IL1RAPL2: variants seen among roughly 807,000 people sequenced by gnomAD.
The protein encoded by IL1RAPL2 is X-linked interleukin-1 receptor accessory protein-like 2.
In IL1RAPL2, 3 loss-of-function variants were observed where a neutral mutation model predicts 44.1. The observed-to-expected ratio is 0.07, with a 90% confidence interval of 0.03 to 0.18. IL1RAPL2 has a LOEUF of 0.18. IL1RAPL2 is among the 10% of genes least tolerant of loss of function. The pLI, the probability that IL1RAPL2 is intolerant of heterozygous loss-of-function variation, is 1.00. For missense variants in IL1RAPL2, 391 were observed against 496.4 expected (o/e 0.79, Z 2.02); for synonymous variants, 181 against 178.8 (o/e 1.01, Z -0.10).
intron 3 of IL1RAPL2, among the ~76,000 whole-genome samples, chrX:105,227,698 A>G (rs1293087907): frequency 1.8e-5 from 2 of 112,201 alleles, no homozygotes; most frequent in African/African-American, 6.5e-5. Context: ...GGCTTTGGCC[A>G]TCTTGGTCTT....
At position 105,119,733 on chromosome X, in the gene IL1RAPL2, T is replaced by C. The variant is rs2032902010; in HGVS notation, c.83-75742T>C. ...TAGGCAGTGTTTGGGGGAAAAAGTGTTAACAAAAAATGTACAGCTGTAAGC... is the reference window on the plus strand; with the variant it reads ...TAGGCAGTGTTTGGGGGAAAAAGTGCTAACAAAAAATGTACAGCTGTAAGC... On this transcript the variant is annotated intron_variant, in intron 2 of 10. Transcript: ENST00000372582. 2.7e-5 allele frequency among the ~76,000 whole-genome samples: 3 copies of C among 111,468 alleles called. No homozygotes were observed. The Admixed American group carries it at 2.9e-4, about 11-fold the overall frequency.
chrX:104,738,508 T>C (rs1405003397), intron 2 of IL1RAPL2, among the ~76,000 whole-genome samples: 1 of 112,422 alleles, frequency 8.9e-6, no homozygotes, highest in Non-Finnish European at 1.9e-5. Flanking sequence ...GCTGCTGTTA[T>C]TGACCTCAGA....
chrX:104,901,241 C>T (rs1332178377), intron 2 of IL1RAPL2, among the ~76,000 whole-genome samples: 49 of 77,346 alleles, frequency 6.3e-4, no homozygotes, highest in Non-Finnish European at 9.7e-4. Flanking sequence ...GACGGACTCT[C>T]GCTCTGTTGC....
chrX:104,902,452 A>T (rs188414084), intron 2 of IL1RAPL2, among the ~76,000 whole-genome samples: 1 of 112,267 alleles, frequency 8.9e-6, no homozygotes, highest in Non-Finnish European at 1.9e-5. Context: ...TAAGAAAAAA[A>T]ATTTCTCTAG....
chrX:105,032,787 C>T (rs1046120519), intron 2 of IL1RAPL2, among the ~76,000 whole-genome samples: 1 of 110,988 alleles, frequency 9.0e-6, no homozygotes, highest in Non-Finnish European at 1.9e-5. Context: ...TCCTTGTTAA[C>T]TTTCTGTCTC....
intron 6 of IL1RAPL2, among the ~76,000 whole-genome samples, chrX:105,518,155 AG>A (rs2036529111): frequency 9.2e-6 from 1 of 108,927 alleles, no homozygotes; most frequent in African/African-American, 3.3e-5. Context: ...TTTTGAGGGT[AG>A]AAGAAAATAT....
intron 2 of IL1RAPL2, among the ~76,000 whole-genome samples, chrX:104,908,774 T>G (rs1924125533): frequency 9.2e-6 from 1 of 108,825 alleles, no homozygotes; most frequent in African/African-American, 3.3e-5. Flanking sequence ...ATCTGACAAT[T>G]TTGTGTCTTG....
Position 104,723,634 on chromosome X carries a change from AT to A in IL1RAPL2, c.82+64640del, listed in dbSNP as rs759754556. 2.7e-5 allele frequency among the ~76,000 whole-genome samples: 3 copies of A among 111,007 alleles called. No homozygotes were observed. In the East Asian group the frequency reaches 8.6e-4, roughly 32 times the overall value. On this transcript the variant is annotated intron_variant, in intron 2 of 10. Transcript: ENST00000372582. ...TAAAAGGGTGAACAACAACAAAAAA[AT>A]CCTACCCACAGAGAAATGACAAGGA...
intron 7 of IL1RAPL2, among the ~76,000 whole-genome samples, chrX:105,729,020 T>G (rs765797345): frequency 9.0e-6 from 1 of 111,363 alleles, no homozygotes; most frequent in Non-Finnish European, 1.9e-5. Context: ...ACTTAGTATA[T>G]GCATTTAAGG....
chrX:104,985,651 T>C (rs931312247), intron 2 of IL1RAPL2, among the ~76,000 whole-genome samples: 1 of 111,652 alleles, frequency 9.0e-6, no homozygotes, highest in Non-Finnish European at 1.9e-5. Context: ...GCTACCCACA[T>C]GGATTTCCCA....
chrX:105,212,338 G>A (rs1301294698), intron 3 of IL1RAPL2, among the ~76,000 whole-genome samples: 4 of 112,066 alleles, frequency 3.6e-5, no homozygotes, highest in African/African-American at 1.3e-4. Context: ...CAGTGCTAAG[G>A]AGGCTGGGAG....
intron 2 of IL1RAPL2, among the ~76,000 whole-genome samples, chrX:104,879,108 C>G (rs1397841880): frequency 9.1e-6 from 1 of 109,903 alleles, no homozygotes; most frequent in Non-Finnish European, 1.9e-5. Flanking sequence ...GTAAATCAGG[C>G]TCTGGTTTGA....
At chrX:105,001,681 G>A (rs2030852956) in intron 2 of IL1RAPL2, among the ~76,000 whole-genome samples, 1 of 111,434 alleles carries the variant, frequency 9.0e-6, no homozygotes, top group Non-Finnish European at 1.9e-5. Flanking sequence ...AAAGGCATTA[G>A]GAGAGTGTTG....
At chrX:105,047,154 T>C (rs2031850511) in intron 2 of IL1RAPL2, among the ~76,000 whole-genome samples, 1 of 111,286 alleles carries the variant, frequency 9.0e-6, no homozygotes, top group Non-Finnish European at 1.9e-5. Context: ...ACCCCTTACA[T>C]AGAGAGTTCT....
chrX:105,591,702 TA>T (rs1340309332), intron 6 of IL1RAPL2, among the ~76,000 whole-genome samples: 2 of 112,146 alleles, frequency 1.8e-5, no homozygotes, highest in African/African-American at 6.5e-5. Flanking sequence ...GAAGGTTGTT[TA>T]ATTTTCATGT....
At chrX:105,685,808 T>G (rs1233789340) in intron 6 of IL1RAPL2, among the ~76,000 whole-genome samples, 3 of 111,310 alleles carry the variant, frequency 2.7e-5, no homozygotes, top group Non-Finnish European at 5.7e-5. Context: ...GAGAGGAAGG[T>G]CGAGTTAGCC....
intron 4 of IL1RAPL2, among the ~76,000 whole-genome samples, chrX:105,243,453 T>C (rs943296989): frequency 1.8e-5 from 2 of 108,620 alleles, no homozygotes; most frequent in Non-Finnish European, 3.8e-5. Flanking sequence ...CTCAGGTATT[T>C]ATGGCAGTGT....
chrX:105,423,667 A>C (rs927266084), intron 5 of IL1RAPL2, among the ~76,000 whole-genome samples: 10 of 111,438 alleles, frequency 9.0e-5, no homozygotes, highest in African/African-American at 3.3e-4. Context: ...GTTAAACTTT[A>C]GCCAAGGCAA....
intron 6 of IL1RAPL2, among the ~76,000 whole-genome samples, chrX:105,586,762 G>C (rs2147816682): frequency 8.9e-6 from 1 of 112,331 alleles, no homozygotes; most frequent in Non-Finnish European, 1.9e-5. Context: ...GCATAGACCA[G>C]TGCTTGGCCA....
Sources: gnomAD v4.1 joint callset for allele counts (sites outside exome capture counted in the v4.1 genomes callset) on GRCh38, gnomAD v4.1.1 for gene constraint, MANE v1.5 for transcripts, NCBI Gene and HGNC (gene_info 2026-07-23, HGNC 2026-07-21) for gene names.